The following NHLRC2 variants were observed in gnomAD, a reference collection of about 807,000 sequenced individuals.
NHLRC2 encodes NHL repeat-containing protein 2.
In NHLRC2, 33 loss-of-function variants were observed where a neutral mutation model predicts 68.1. That is an observed-to-expected ratio of 0.48 (90% CI 0.37 to 0.65). The LOEUF (loss-of-function observed/expected upper bound fraction) is 0.65, where lower values mean the gene tolerates loss of function less well. Among genes scored for constraint, NHLRC2 ranks in the 30% least tolerant of loss-of-function variants. The probability of loss-of-function intolerance (pLI) is 0.00; values close to 1 mark genes in which losing one functional copy is unlikely to be tolerated. For synonymous variants in NHLRC2, 311 were observed against 309.6 expected, an observed-to-expected ratio of 1.00 and a Z score of -0.05; for missense variants, 761 against 853.8, an observed-to-expected ratio of 0.89 and a Z score of 1.35.
At chr10:113,895,583 A>C (rs1188789921) in intron 5 of NHLRC2, among the ~76,000 whole-genome samples, 1 of 152,094 alleles carries the variant, frequency 6.6e-6, no homozygotes, top group African/African-American at 2.4e-5. Context: ...AAGGTATAGA[A>C]GTTGAAAGAC....
intron 5 of NHLRC2, among the ~76,000 whole-genome samples, chr10:113,885,334 A>G (rs534997056): frequency 2.2e-4 from 34 of 152,102 alleles, no homozygotes; most frequent in African/African-American, 8.2e-4. Context: ...AATTCTACTT[A>G]TGGAATTGTA....
chr10:113,911,866 C>T lies in NHLRC2; in HGVS notation c.*3330C>T, dbSNP rs1164890656. The stretch of plus-strand genomic sequence containing the variant: ...AATTATGGATGTTTTTATTTTAATT[C>T]TACTTTGCTGTTTTTTTTTTCTTTT... On this transcript the variant is annotated 3_prime_UTR_variant, in exon 11 of 11. Transcript: ENST00000369301. 6.6e-6 allele frequency: 1 copy of T among 151,160 alleles called. No individual in the cohort carries two copies. 9.4% of individuals were successfully genotyped at this position (151,160 alleles called of 1,614,324 possible).
At position 113,911,596 on chromosome 10, in the gene NHLRC2, C is replaced by A. The variant is rs1174868813; in HGVS notation, c.*3060C>A. 1 of 152,028 alleles carries A rather than the reference C, an allele frequency of 6.6e-6. No individual in the cohort carries two copies. The highest frequency in any genetic ancestry group is 1.5e-5 in the Non-Finnish European group (1 of 67,968). The allele number at this position is 152,028 out of a possible 1,614,324, so 9.4% of individuals were successfully genotyped here. A position where few individuals can be genotyped will look rare whatever the true frequency, so the allele number is the denominator to read the frequency against. Reference sequence around the variant, plus strand: ...GAGCTTGTATAACTGAGATAAGTTACTCTTTGCTTGTTTTTCTGTAGTTGG... The same window carrying A: ...GAGCTTGTATAACTGAGATAAGTTAATCTTTGCTTGTTTTTCTGTAGTTGG... On this transcript the variant is annotated 3_prime_UTR_variant, in exon 11 of 11. Transcript: ENST00000369301.
intron 9 of NHLRC2, 142 bp from the exon 10 acceptor site, chr10:113,904,675 A>T (rs1451028942): frequency 5.2e-5 from 34 of 648,584 alleles, no homozygotes; most frequent in Non-Finnish European, 8.7e-5. Context: ...AGGGCATCTA[A>T]CACATTCTAA....
At chr10:113,888,574 G>A (rs144857928) in intron 5 of NHLRC2, among the ~76,000 whole-genome samples, 148 of 152,132 alleles carry the variant, frequency 9.7e-4, no homozygotes, top group Middle Eastern at 3.4e-3. Context: ...TGACTATGCC[G>A]TATAGTTATA....
chr10:113,877,541 C>T (rs145589295), intron 3 of NHLRC2, among the ~76,000 whole-genome samples: 4 of 152,088 alleles, frequency 2.6e-5, no homozygotes, highest in African/African-American at 7.2e-5. Flanking sequence ...ATCATGCAAG[C>T]GTAGATCATT....
At position 113,903,604 on chromosome 10, in the gene NHLRC2, C is replaced by A. The variant is rs148151604; in HGVS notation, c.1572C>A (p.Ser524=). 8 of 1,611,942 alleles carry A rather than the reference C, an allele frequency of 5.0e-6. No homozygotes were observed. In the African/African-American group the frequency reaches 8.0e-5, roughly 16 times the overall value. ...GAGACACAAATAATGTTACCAGTTC[C>A]AGTTTTACAGAGTCAACTTTTAATG... ...GTGDTNNVTS[S]SFTESTFNEP... is the part of the protein sequence containing the mutation. The change falls in exon 9 of 11, where the codon TCC becomes TCA. Residue 524 remains serine (S), a synonymous_variant. Transcript: ENST00000369301.
intron 2 of NHLRC2, 149 bp downstream of exon 2, chr10:113,858,829 G>A (rs1335288118): frequency 3.8e-6 from 2 of 529,396 alleles, no homozygotes; most frequent in South Asian, 3.6e-5. Flanking sequence ...AAGACTTCAT[G>A]TACCTTTTCA....
At position 113,876,648 on chromosome 10, in the gene NHLRC2, T is replaced by G. The variant is rs1260329343; in HGVS notation, c.459T>G (p.Leu153=). Residue 153 remains leucine (L), a synonymous_variant, in exon 3 of 11, where the codon CTT becomes CTG. Transcript: ENST00000369301. ...HPMVNDADAS[L]WQELEVSCWP... ...TGGTTAATGATGCAGATGCCAGCCT[T>G]TGGCAAGAACTAGAAGTTTCCTGCT... The G allele has an allele frequency of 1.9e-6, 3 of 1,613,866 alleles. No homozygotes were observed. In the African/African-American group the frequency reaches 4.0e-5, roughly 22 times the overall value.
intron 3 of NHLRC2, among the ~76,000 whole-genome samples, chr10:113,878,063 A>G (rs1245355769): frequency 6.6e-6 from 1 of 152,134 alleles, no homozygotes; most frequent in Admixed American, 6.5e-5. Flanking sequence ...ATAGTTCTAG[A>G]AATACTGTTA....
At position 113,902,484 on chromosome 10, in the gene NHLRC2, T is replaced by C. The variant is rs141253953; in HGVS notation, c.1385T>C (p.Phe462Ser). ...GERDPMNLFAFGDVDGVGINA... is the reference protein window; with the variant it reads ...GERDPMNLFASGDVDGVGINA... ...AAAAAATTAAAGAATTTATTTGCTT[T>C]TGGTGATGTTGATGGAGTAGGAATC... is the stretch of plus-strand genomic sequence containing the variant. The change falls in exon 8 of 11, where the codon TTT becomes TCT. Residue 462 changes from phenylalanine (F) to serine (S), a missense_variant. Coordinates refer to ENST00000369301, the MANE Select transcript of NHLRC2 (RefSeq NM_198514.4). The C allele has an allele frequency of 9.3e-4, 1,464 of 1,567,066 alleles. 1 individual carries two copies. The highest frequency in any genetic ancestry group is 1.2e-3 in the Non-Finnish European group (1,354 of 1,160,058).
intron 5 of NHLRC2, among the ~76,000 whole-genome samples, chr10:113,892,546 T>G (rs1198925897): frequency 6.6e-6 from 1 of 152,190 alleles, no homozygotes; most frequent in Non-Finnish European, 1.5e-5. Flanking sequence ...CCATACTCAG[T>G]GATGGAACTG....
chr10:113,859,958 C>G (rs577211232), intron 2 of NHLRC2, among the ~76,000 whole-genome samples: 1 of 152,264 alleles, frequency 6.6e-6, no homozygotes, highest in African/African-American at 2.4e-5. Context: ...TTCAGGTAAA[C>G]AAGCATGGAA....
At chr10:113,896,575 G>A (rs1301584394) in intron 5 of NHLRC2, among the ~76,000 whole-genome samples, 3 of 151,394 alleles carry the variant, frequency 2.0e-5, no homozygotes, top group Non-Finnish European at 4.4e-5. Flanking sequence ...TAGATGATGA[G>A]TTAGTGGGTG....
At chr10:113,892,709 A>G (rs1195296822) in intron 5 of NHLRC2, among the ~76,000 whole-genome samples, 2 of 151,942 alleles carry the variant, frequency 1.3e-5, no homozygotes, top group Non-Finnish European at 2.9e-5. Flanking sequence ...TCAGGGTAAA[A>G]ATTTCTGGAG....
In NHLRC2 at chr10:113,894,580, T is replaced by A. The variant is rs972977932; in HGVS notation, c.1040-3530T>A. Among the ~76,000 whole-genome samples the A allele has an allele frequency of 4.6e-5, 7 of 152,292 alleles. 1 individual carries two copies. The highest frequency in any genetic ancestry group is 1.4e-4 in the African/African-American group (6 of 41,570). ...TGCTTTGCTTCTTTTTCCTTCTTTG[T>A]TGCACAAACTAGGACCTCCATAAGG... On this transcript the variant is annotated intron_variant, in intron 5 of 10. Coordinates refer to ENST00000369301, the MANE Select transcript of NHLRC2 (RefSeq NM_198514.4).
At chr10:113,875,108 G>C (rs923606286) in intron 2 of NHLRC2, among the ~76,000 whole-genome samples, 2 of 151,172 alleles carry the variant, frequency 1.3e-5, no homozygotes, top group South Asian at 2.1e-4. Context: ...TTGAATATCA[G>C]GTAATTTTTT....
intron 5 of NHLRC2, among the ~76,000 whole-genome samples, chr10:113,896,637 G>A (rs1382087921): frequency 1.3e-5 from 2 of 151,832 alleles, no homozygotes; most frequent in Admixed American, 1.3e-4. Context: ...TGCACGTTGT[G>A]CACATGTACC....
At chr10:113,902,432 T>C (rs1427200395) in intron 7 of NHLRC2, 39 bp from the exon 8 acceptor site, 2 of 1,340,940 alleles carry the variant, frequency 1.5e-6, no homozygotes, top group South Asian at 1.4e-5. Flanking sequence ...GTAAAAATTA[T>C]AATAACTGCT....
Sources: gnomAD v4.1 joint callset for allele counts (sites outside exome capture counted in the v4.1 genomes callset) on GRCh38, gnomAD v4.1.1 for gene constraint, MANE v1.5 for transcripts, NCBI Gene and HGNC (gene_info 2026-07-23, HGNC 2026-07-21) for gene names.